CNTNAP5: variants seen among roughly 807,000 people sequenced by gnomAD.
The protein encoded by CNTNAP5 is contactin associated protein family member 5, also known as contactin-associated protein-like 5.
Under a neutral mutation model 150.2 loss-of-function variants are expected in CNTNAP5, and 72 were observed. That is an observed-to-expected ratio of 0.48 (90% CI 0.40 to 0.58). The LOEUF (loss-of-function observed/expected upper bound fraction) is 0.58, where lower values mean the gene tolerates loss of function less well. CNTNAP5 is among the 20% of genes least tolerant of loss of function. CNTNAP5 has a pLI of 0.00. For missense variants in CNTNAP5, 1,636 were observed against 1,626.2 expected (o/e 1.01, Z -0.10); for synonymous variants, 672 against 619.8 (o/e 1.08, Z -1.25).
At chr2:124,355,626 C>T (rs185641452) in intron 3 of CNTNAP5, among the ~76,000 whole-genome samples, 2 of 152,126 alleles carry the variant, frequency 1.3e-5, no homozygotes, top group Non-Finnish European at 2.9e-5. Context: ...ACTTTCATCA[C>T]CTTTTTGGGA....
At chr2:124,359,152 C>G (rs903648031) in intron 3 of CNTNAP5, among the ~76,000 whole-genome samples, 32 of 152,110 alleles carry the variant, frequency 2.1e-4, no homozygotes, top group African/African-American at 6.5e-4. Context: ...GCGGTGATAT[C>G]CCCTTTATCA....
At chr2:124,912,258 G>A (rs1678672116) in intron 23 of CNTNAP5, among the ~76,000 whole-genome samples, 1 of 152,082 alleles carries the variant, frequency 6.6e-6, no homozygotes, top group African/African-American at 2.4e-5. Context: ...CATAACCTTA[G>A]CAGGTGCCGC....
intron 21 of CNTNAP5, among the ~76,000 whole-genome samples, chr2:124,876,601 A>C (rs2104733066): frequency 6.6e-6 from 1 of 152,166 alleles, no homozygotes; most frequent in Non-Finnish European, 1.5e-5. Flanking sequence ...CTTTTAATAA[A>C]TAAATGCATG....
At position 124,489,206 on chromosome 2, in the gene CNTNAP5, C is replaced by T. The variant is rs145574135; in HGVS notation, c.1062+14324C>T. 2.4e-3 allele frequency among the ~76,000 whole-genome samples: 361 copies of T among 152,336 alleles called. 2 individuals are homozygous for T. Among genetic ancestry groups the T allele is most frequent in the African/African-American group, 8.2e-3 (340 of 41,576 alleles). ...CTATCACTGTATTAGTCTGCTCTCACTGCCAAAACAAAATACCACAGACTG... is the reference window on the plus strand; with the variant it reads ...CTATCACTGTATTAGTCTGCTCTCATTGCCAAAACAAAATACCACAGACTG... On this transcript the variant is annotated intron_variant, in intron 7 of 23. Coordinates refer to ENST00000682447, the MANE Select transcript of CNTNAP5 (RefSeq NM_001367498.1).
At chr2:124,197,822 A>G (rs962813516) in intron 1 of CNTNAP5, among the ~76,000 whole-genome samples, 7 of 152,024 alleles carry the variant, frequency 4.6e-5, no homozygotes, top group African/African-American at 1.7e-4. Context: ...TCTACTAAAA[A>G]TACAAAAAAT....
chr2:124,731,862 G>A (rs983757497), intron 13 of CNTNAP5, among the ~76,000 whole-genome samples: 1 of 151,822 alleles, frequency 6.6e-6, no homozygotes, highest in Non-Finnish European at 1.5e-5. Flanking sequence ...ATGAGTGTGA[G>A]TGTATGTGTG....
At chr2:124,086,428 C>T (rs529080908) in intron 1 of CNTNAP5, among the ~76,000 whole-genome samples, 2 of 151,562 alleles carry the variant, frequency 1.3e-5, no homozygotes, top group South Asian at 4.2e-4. Context: ...TGGTCTCGAT[C>T]TCCTGACCTC....
intron 12 of CNTNAP5, among the ~76,000 whole-genome samples, chr2:124,617,784 C>T (rs1055515755): frequency 6.6e-6 from 1 of 152,052 alleles, no homozygotes; most frequent in African/African-American, 2.4e-5. Flanking sequence ...CAGCAATTAA[C>T]GTATAAGGAC....
At chr2:124,333,795 A>T (rs1689407198) in intron 3 of CNTNAP5, among the ~76,000 whole-genome samples, 2 of 152,210 alleles carry the variant, frequency 1.3e-5, no homozygotes, top group African/African-American at 4.8e-5. Flanking sequence ...CATGTAAAAG[A>T]CAGGTGTAAC....
At chr2:124,667,268 A>T (rs1169194859) in intron 13 of CNTNAP5, among the ~76,000 whole-genome samples, 1 of 152,194 alleles carries the variant, frequency 6.6e-6, no homozygotes, top group African/African-American at 2.4e-5. Context: ...TAAATGGAGG[A>T]TGGCTGCTCT....
intron 1 of CNTNAP5, among the ~76,000 whole-genome samples, chr2:124,164,775 G>C (rs1684771203): frequency 6.6e-6 from 1 of 152,138 alleles, no homozygotes; most frequent in South Asian, 2.1e-4. Flanking sequence ...GACACTGGAG[G>C]CTTTTGGGTA....
chr2:124,401,024 A>G (rs1691409959), intron 3 of CNTNAP5, among the ~76,000 whole-genome samples: 3 of 152,084 alleles, frequency 2.0e-5, no homozygotes, highest in Admixed American at 2.0e-4. Context: ...GACACGTGCC[A>G]CCACGCTAAT....
At chr2:124,370,102 A>T (rs1158437405) in intron 3 of CNTNAP5, among the ~76,000 whole-genome samples, 1 of 152,230 alleles carries the variant, frequency 6.6e-6, no homozygotes, top group Non-Finnish European at 1.5e-5. Flanking sequence ...ATGCAAAATA[A>T]ATTCTCTGAT....
intron 13 of CNTNAP5, among the ~76,000 whole-genome samples, chr2:124,666,299 A>T (rs1678698770): frequency 6.6e-6 from 1 of 152,164 alleles, no homozygotes; most frequent in South Asian, 2.1e-4. Flanking sequence ...TAAAGGAGTA[A>T]AGCTTTGTCT....
chr2:124,813,225 C>T (rs191972362), intron 19 of CNTNAP5, among the ~76,000 whole-genome samples: 24 of 151,788 alleles, frequency 1.6e-4, no homozygotes, highest in African/African-American at 1.9e-4. Flanking sequence ...TATAGGTGCC[C>T]GCCACCATGT....
chr2:124,491,746 T>C (rs1694033347), intron 7 of CNTNAP5, among the ~76,000 whole-genome samples: 1 of 151,942 alleles, frequency 6.6e-6, no homozygotes, highest in Non-Finnish European at 1.5e-5. Flanking sequence ...TTCTCACCAA[T>C]ACTTGTACCT....
chr2:124,158,434 G>T (rs180685904), intron 1 of CNTNAP5, among the ~76,000 whole-genome samples: 41 of 152,198 alleles, frequency 2.7e-4, no homozygotes, highest in Middle Eastern at 3.4e-3. Flanking sequence ...GTGACTTATA[G>T]TACCTAATAC....
At chr2:124,615,562 T>G (rs1287713160) in intron 12 of CNTNAP5, among the ~76,000 whole-genome samples, 5 of 152,166 alleles carry the variant, frequency 3.3e-5, no homozygotes, top group Non-Finnish European at 7.3e-5. Context: ...CTGCAGTTAC[T>G]CCCTCCACTG....
chr2:124,029,977 T>C (rs987924832), intron 1 of CNTNAP5, among the ~76,000 whole-genome samples: 6 of 152,148 alleles, frequency 3.9e-5, no homozygotes, highest in Admixed American at 2.6e-4. Flanking sequence ...GCAGTGTACA[T>C]ATTTGGAGCC....
Sources: allele counts gnomAD v4.1 joint callset (sites outside exome capture counted in the v4.1 genomes callset), GRCh38; gene constraint gnomAD v4.1.1; transcripts MANE v1.5; gene names NCBI Gene and HGNC (gene_info 2026-07-23, HGNC 2026-07-21).